Variants in BICD1 observed in about 807,000 individuals in gnomAD.
BICD1 encodes BICD cargo adaptor 1.
Under a neutral mutation model 92.5 loss-of-function variants are expected in BICD1, and 35 were observed. That is an observed-to-expected ratio of 0.38 (90% CI 0.29 to 0.50). The LOEUF is 0.50. Ranked by LOEUF, BICD1 falls within the 20% of genes least tolerant of loss-of-function variation. BICD1 has a pLI of 0.93. For synonymous variants in BICD1, 429 were observed against 465.1 expected (o/e 0.92, Z 1.00); for missense variants, 950 against 1,189.8 (o/e 0.80, Z 2.97).
intron 9 of BICD1, among the ~76,000 whole-genome samples, chr12:32,373,142 C>T (rs1350001403): frequency 1.3e-5 from 2 of 151,996 alleles, no homozygotes; most frequent in Non-Finnish European, 2.9e-5. Context: ...TAACAGCTTC[C>T]TAAACTTGCC....
rs1432886902 is a variant in BICD1, at chr12:32,196,273, T to C, written c.214-19974T>C. ...ATTTAAAAAAAGAGCTACCATATGA[T>C]CCAGCCATCCCACTTCTGGGATGAA... On this transcript the variant is annotated intron_variant, in intron 1 of 9. Coordinates refer to ENST00000652176, the MANE Select transcript of BICD1 (RefSeq NM_001714.4). Among the ~76,000 whole-genome samples, 4 of 152,184 alleles carry C rather than the reference T, an allele frequency of 2.6e-5. No homozygotes were observed. In the South Asian group the frequency reaches 8.3e-4, roughly 31 times the overall value.
chr12:32,198,051 C>T (rs1451895468), intron 1 of BICD1, among the ~76,000 whole-genome samples: 13 of 151,544 alleles, frequency 8.6e-5, no homozygotes. Context: ...ACTAAAAATG[C>T]AAAATTAGCC....
chr12:32,368,298 A>G (rs1410901182), intron 9 of BICD1, among the ~76,000 whole-genome samples: 1 of 151,978 alleles, frequency 6.6e-6, no homozygotes, highest in Non-Finnish European at 1.5e-5. Flanking sequence ...CTGGGAGTTC[A>G]AGGCTGCAGC....
At chr12:32,258,568 C>T (rs1199849841) in intron 2 of BICD1, among the ~76,000 whole-genome samples, 4 of 151,714 alleles carry the variant, frequency 2.6e-5, no homozygotes, top group Non-Finnish European at 4.4e-5. Context: ...GTAATGGCCC[C>T]GAATGGTTGG....
chr12:32,249,039 T>G lies in BICD1; in HGVS notation c.426+32580T>G, dbSNP rs551099982. 9.2e-5 allele frequency among the ~76,000 whole-genome samples: 14 copies of G among 152,300 alleles called. No individual in the cohort carries two copies. The South Asian group carries it at 2.7e-3, about 29-fold the overall frequency. ...CAAGTTCCCACATCTGCACAAAATA[T>G]CTGGTGTAAGCATTTGTGGGGCGGG... is the stretch of plus-strand genomic sequence containing the variant. On this transcript the variant is annotated intron_variant, in intron 2 of 9. Coordinates refer to ENST00000652176, the MANE Select transcript of BICD1 (RefSeq NM_001714.4).
chr12:32,145,790 A>G (rs1205031272), intron 1 of BICD1, among the ~76,000 whole-genome samples: 1 of 152,194 alleles, frequency 6.6e-6, no homozygotes, highest in Non-Finnish European at 1.5e-5. Context: ...GCAGATTTCT[A>G]TTTTCTGTAT....
chr12:32,225,621 G>GTTTTTGTTT (rs1411722126), intron 2 of BICD1, among the ~76,000 whole-genome samples: 7 of 92,776 alleles, frequency 7.5e-5, no homozygotes, highest in Admixed American at 1.4e-4. Flanking sequence ...CTTTTTTTCT[G>GTTTTTGTTT]TTTTTTTTTT....
intron 6 of BICD1, among the ~76,000 whole-genome samples, chr12:32,336,083 C>G (rs1441431328): frequency 3.9e-5 from 6 of 152,164 alleles, no homozygotes; most frequent in African/African-American, 1.2e-4. Flanking sequence ...GTACTCCAGC[C>G]TGGGTGACAG....
chr12:32,265,299 T>A (rs1946961337), intron 2 of BICD1, among the ~76,000 whole-genome samples: 1 of 152,290 alleles, frequency 6.6e-6, no homozygotes, highest in Middle Eastern at 3.4e-3. Context: ...GCTAAGTCCT[T>A]TCTTACTTCA....
rs1050896157 is a variant in BICD1, at chr12:32,296,262, T to C, written c.579+2116T>C. On this transcript the variant is annotated intron_variant, in intron 3 of 9. Coordinates refer to ENST00000652176, the MANE Select transcript of BICD1 (RefSeq NM_001714.4). The stretch of plus-strand genomic sequence containing the variant: ...TAAGAAGGGGTTTTTTTTTGTTTTT[T>C]TTTTTTTTTTTTGAGAGACGGAGTC... 1.7e-4 allele frequency among the ~76,000 whole-genome samples: 25 copies of C among 145,464 alleles called. No homozygotes were observed. In the East Asian group the frequency reaches 2.2e-3, roughly 13 times the overall value.
chr12:32,297,734 GTTAT>G (rs1947914067), intron 3 of BICD1, among the ~76,000 whole-genome samples: 1 of 151,902 alleles, frequency 6.6e-6, no homozygotes, highest in Non-Finnish European at 1.5e-5. Flanking sequence ...TTTTCTTTTA[GTTAT>G]TTATTATTTT....
intron 1 of BICD1, among the ~76,000 whole-genome samples, chr12:32,132,743 C>T (rs1385037969): frequency 1.3e-5 from 2 of 152,144 alleles, no homozygotes; most frequent in Admixed American, 1.3e-4. Context: ...GTTCTCTGAG[C>T]CCTGGTGAGA....
intron 1 of BICD1, among the ~76,000 whole-genome samples, chr12:32,200,462 CATATT>C (rs1944874752): frequency 6.6e-6 from 1 of 152,186 alleles, no homozygotes; most frequent in Non-Finnish European, 1.5e-5. Context: ...GCAAAGCTTT[CATATT>C]ATTTTATGAA....
At chr12:32,143,915 T>A (rs1015369291) in intron 1 of BICD1, among the ~76,000 whole-genome samples, 18 of 152,206 alleles carry the variant, frequency 1.2e-4, no homozygotes, top group African/African-American at 4.1e-4. Flanking sequence ...ATATTTTTAT[T>A]TCGATTTCCT....
intron 1 of BICD1, among the ~76,000 whole-genome samples, chr12:32,207,143 C>T (rs11612949): frequency 0.077 from 11,641 of 152,088 alleles, 534 homozygotes; most frequent in South Asian, 0.18. Flanking sequence ...GTCTTGGTCC[C>T]GTTCTTAAAC....
chr12:32,242,709 TTTTA>T (rs773434896), intron 2 of BICD1, among the ~76,000 whole-genome samples: 10 of 152,188 alleles, frequency 6.6e-5, no homozygotes, highest in Non-Finnish European at 1.5e-4. Context: ...TTCCTTTTGA[TTTTA>T]TTTTACTTTG....
At chr12:32,243,617 A>G (rs1425147385) in intron 2 of BICD1, among the ~76,000 whole-genome samples, 2 of 152,100 alleles carry the variant, frequency 1.3e-5, no homozygotes. Context: ...CTATGAGTAG[A>G]AATCCTTTCC....
At chr12:32,285,104 C>T (rs1947528116) in intron 2 of BICD1, among the ~76,000 whole-genome samples, 1 of 152,198 alleles carries the variant, frequency 6.6e-6, no homozygotes, top group East Asian at 1.9e-4. Context: ...AGGTTTATCT[C>T]TGGCTGGAAA....
intron 4 of BICD1, among the ~76,000 whole-genome samples, chr12:32,320,548 A>C (rs1392917780): frequency 6.6e-6 from 1 of 152,164 alleles, no homozygotes; most frequent in East Asian, 1.9e-4. Flanking sequence ...AGGCTGAGGC[A>C]GGAGAATTGC....
Sources: allele counts gnomAD v4.1 joint callset (sites outside exome capture counted in the v4.1 genomes callset), GRCh38; gene constraint gnomAD v4.1.1; transcripts MANE v1.5; gene names NCBI Gene and HGNC (gene_info 2026-07-23, HGNC 2026-07-21).